Variants in MYO3A observed in about 807,000 individuals in gnomAD.
MYO3A encodes the protein myosin IIIA, also known as myosin-IIIa.
MYO3A carries 180 observed loss-of-function variants against 192.7 expected under a neutral mutation model. That is an observed-to-expected ratio of 0.93 (90% CI 0.83 to 1.06). The LOEUF (loss-of-function observed/expected upper bound fraction) is 1.06. Ranked by LOEUF, MYO3A falls within the 50% of genes least tolerant of loss-of-function variation. MYO3A has a pLI of 0.00. For missense variants in MYO3A, 1,896 were observed against 1,905.0 expected (o/e 1.00, Z 0.09); for synonymous variants, 628 against 645.3 (o/e 0.97, Z 0.41).
chr10:25,956,274 A>G (rs1324703519), intron 4 of MYO3A, among the ~76,000 whole-genome samples: 1 of 152,114 alleles, frequency 6.6e-6, no homozygotes, highest in African/African-American at 2.4e-5. Flanking sequence ...CCAAAGTGTA[A>G]TAGGCACAAT....
At chr10:26,177,926 C>G (rs982010736) in intron 31 of MYO3A, among the ~76,000 whole-genome samples, 1 of 152,252 alleles carries the variant, frequency 6.6e-6, no homozygotes, top group Non-Finnish European at 1.5e-5. Flanking sequence ...TCTGCCACAT[C>G]GTTTTCAAGT....
rs2132038757 is a variant in MYO3A at position 26,174,300 on chromosome 10, G to A, written c.4036G>A (p.Glu1346Lys). 6.2e-6 allele frequency: 10 copies of A among 1,614,038 alleles called. No homozygotes were observed. The highest frequency in any genetic ancestry group is 8.5e-6 in the Non-Finnish European group (10 of 1,179,912). ...ACCAGTGACACAGGCCCAGGAGGAA[G>A]AAGATAAAGCAGCGGTATTCATTCA... ...VEPVTQAQEE[E>K]DKAAVFIQSK... Residue 1346 changes from glutamate to lysine, a missense_variant, in exon 30 of 35, where the codon GAA becomes AAA. Physicochemically the swap from Glu to Lys is moderately conservative, Grantham distance 56. Coordinates refer to ENST00000642920, the MANE Select transcript of MYO3A (RefSeq NM_017433.5).
chr10:26,031,927 TAAATAAC>T (rs1340101000), intron 10 of MYO3A, among the ~76,000 whole-genome samples: 1 of 152,248 alleles, frequency 6.6e-6, no homozygotes, highest in Non-Finnish European at 1.5e-5. Context: ...AGCATCTACT[TAAATAAC>T]AAATTCCAAA....
intron 25 of MYO3A, among the ~76,000 whole-genome samples, chr10:26,155,278 C>G (rs1394451221): frequency 3.9e-5 from 6 of 152,132 alleles, no homozygotes; most frequent in African/African-American, 1.2e-4. Context: ...AGGAATGGTG[C>G]GAGGAGAAGA....
chr10:25,988,762 C>T (rs1341901177), intron 4 of MYO3A, among the ~76,000 whole-genome samples: 1 of 151,724 alleles, frequency 6.6e-6, no homozygotes, highest in Non-Finnish European at 1.5e-5. Flanking sequence ...AATTAAAAAA[C>T]CCATTAAAAC....
chr10:26,159,455 T>A (rs1436463681), intron 26 of MYO3A, among the ~76,000 whole-genome samples: 2 of 150,102 alleles, frequency 1.3e-5, no homozygotes, highest in East Asian at 4.0e-4. Flanking sequence ...CGCTTCACAG[T>A]GAGCTTGCAT....
chr10:26,053,692 G>A (rs1280964794), intron 10 of MYO3A, among the ~76,000 whole-genome samples: 1 of 152,108 alleles, frequency 6.6e-6, no homozygotes, highest in Non-Finnish European at 1.5e-5. Flanking sequence ...AAGTGTGGTG[G>A]TGTGTGCCTG....
Position 26,021,597 on chromosome 10 carries a change from A to G in MYO3A, c.680A>G (p.Asp227Gly), listed in dbSNP as rs1842309816. ...GITAIELGDGDPPLADLHPMR... is the reference protein window; with the variant it reads ...GITAIELGDGGPPLADLHPMR... ...ACGGCCATTGAGCTGGGTGATGGAG[A>G]TCCTCCACTAGCTGACCTTCATCCC... Residue 227 changes from aspartate to glycine, a missense_variant, in exon 8 of 35, where the codon GAT (aspartate) becomes GGT (glycine). Transcript: ENST00000642920. 2 of 1,614,054 alleles carry G rather than the reference A, an allele frequency of 1.2e-6. No individual in the cohort carries two copies. The highest frequency in any genetic ancestry group is 1.7e-6 in the Non-Finnish European group (2 of 1,179,982).
intron 34 of MYO3A, among the ~76,000 whole-genome samples, chr10:26,205,786 T>A: frequency 6.6e-6 from 1 of 151,470 alleles, no homozygotes. Context: ...CCGGCTAATA[T>A]TTTTTTGTAT....
In MYO3A at chr10:26,212,365, T is replaced by C. The variant is rs1844267379; in HGVS notation, c.*402T>C. 2.8e-6 allele frequency: 1 copy of C among 357,476 alleles called. No individual in the cohort carries two copies. The highest frequency in any genetic ancestry group is 5.0e-6 in the Non-Finnish European group (1 of 201,022). The allele number at this position is 357,476 out of a possible 1,614,324, so 22.1% of individuals were successfully genotyped here. On this transcript the variant is annotated 3_prime_UTR_variant, in exon 35 of 35. Transcript: ENST00000642920. ...TGAATTCACAGATTTTTTTTTTTAT[T>C]GGAAACGGCTTTTCTTGGCCAACAG...
chr10:26,002,757 A>T (rs538153787), intron 6 of MYO3A, among the ~76,000 whole-genome samples: 1 of 152,302 alleles, frequency 6.6e-6, no homozygotes, highest in African/African-American at 2.4e-5. Flanking sequence ...TAAAAGTAGA[A>T]GGCAAAGAAT....
At chr10:26,064,149 G>C (rs57687518) in intron 10 of MYO3A, among the ~76,000 whole-genome samples, 15,672 of 152,218 alleles carry the variant, frequency 0.1, 871 homozygotes, top group Non-Finnish European at 0.12. Context: ...AGCAGGAAAA[G>C]GGTGATGAGA....
At chr10:25,999,428 T>C (rs577959323) in intron 6 of MYO3A, among the ~76,000 whole-genome samples, 4 of 152,266 alleles carry the variant, frequency 2.6e-5, no homozygotes, top group East Asian at 1.9e-4. Context: ...AGTTTGCCTA[T>C]GGTGATTAGT....
intron 15 of MYO3A, among the ~76,000 whole-genome samples, chr10:26,093,481 G>A (rs777513507): frequency 6.6e-6 from 1 of 152,140 alleles, no homozygotes; most frequent in Non-Finnish European, 1.5e-5. Flanking sequence ...TAACAGAATA[G>A]GATGGGTTCT....
At chr10:26,202,690 G>C (rs1021741494) in intron 33 of MYO3A, 1 of 388,742 alleles carries the variant, frequency 2.6e-6, no homozygotes, top group Non-Finnish European at 4.8e-6. Flanking sequence ...GGCTATTCTA[G>C]TAACCACTAG....
intron 4 of MYO3A, among the ~76,000 whole-genome samples, chr10:25,963,598 G>C (rs549054414): frequency 1.1e-3 from 174 of 152,282 alleles, no homozygotes; most frequent in African/African-American, 4.0e-3. Flanking sequence ...TACTTAGATG[G>C]CACAGAATTG....
chr10:25,970,881 G>T (rs578146665), intron 4 of MYO3A, among the ~76,000 whole-genome samples: 1 of 151,802 alleles, frequency 6.6e-6, no homozygotes, highest in Non-Finnish European at 1.5e-5. Context: ...AGAAGAAATA[G>T]AAAATGCAAA....
At chr10:26,087,368 T>C (rs1241262758) in intron 14 of MYO3A, among the ~76,000 whole-genome samples, 1 of 152,116 alleles carries the variant, frequency 6.6e-6, no homozygotes, top group Non-Finnish European at 1.5e-5. Context: ...GTTCCAGAAA[T>C]AGCCACCACT....
chr10:26,022,952 A>C (rs543899327), intron 8 of MYO3A: 1 of 152,320 alleles, frequency 6.6e-6, no homozygotes, highest in Admixed American at 6.5e-5. Context: ...TAATATGGAG[A>C]AAAAGGGAAT....
Sources: allele counts gnomAD v4.1 joint callset (sites outside exome capture counted in the v4.1 genomes callset), GRCh38; gene constraint gnomAD v4.1.1; transcripts MANE v1.5; gene names NCBI Gene and HGNC (gene_info 2026-07-23, HGNC 2026-07-21).